Variants in KBTBD11 observed in about 807,000 individuals in gnomAD.
The protein encoded by KBTBD11 is kelch repeat and BTB domain containing 11, also known as kelch repeat and BTB domain-containing protein 11.
For missense variants in KBTBD11, 1,390 were observed against 1,001.8 expected (o/e 1.39, Z -5.23); for synonymous variants, 747 against 499.0 (o/e 1.50, Z -6.63).
Position 1,973,719 on chromosome 8 carries a change from GCTCCGC to G in KBTBD11, c.-1124_-1119del. On this transcript the variant is annotated 5_prime_UTR_variant, in exon 1 of 2. Transcript: ENST00000320248. ...CTCGCAGCCTGGAGCCGGAGCGCTGGCTCCGCGCGGCCTGGAGAGGCGGAGAGGCCT... is the reference window on the plus strand; with the variant it reads ...CTCGCAGCCTGGAGCCGGAGCGCTGGGCGGCCTGGAGAGGCGGAGAGGCCT... 1 of 983,830 alleles carries G rather than the reference GCTCCGC, an allele frequency of 1.0e-6. No individual in the cohort carries two copies. The highest frequency in any genetic ancestry group is 1.2e-6 in the Non-Finnish European group (1 of 829,332). The allele number at this position is 983,830 out of a possible 1,614,324, so 60.9% of individuals were successfully genotyped here.
chr8:1,987,267 A>C (rs909911105), intron 1 of KBTBD11, among the ~76,000 whole-genome samples: 4 of 152,334 alleles, frequency 2.6e-5, no homozygotes, highest in African/African-American at 9.6e-5. Context: ...TTGCAACTGC[A>C]AAGCTTCCGA....
intron 1 of KBTBD11, among the ~76,000 whole-genome samples, chr8:1,995,895 C>T (rs544985612): frequency 3.9e-5 from 6 of 152,128 alleles, no homozygotes; most frequent in East Asian, 1.9e-4. Context: ...TGTGGTGGTG[C>T]GCCCCCATAG....
intron 1 of KBTBD11, 93 bp downstream of exon 1, chr8:1,974,028 G>A: frequency 1.0e-6 from 1 of 953,512 alleles, no homozygotes; most frequent in Non-Finnish European, 1.2e-6. Context: ...CGGGTGGGAG[G>A]TGGTCGGCGA....
chr8:1,996,022 T>C, intron 1 of KBTBD11, among the ~76,000 whole-genome samples: 1 of 152,270 alleles, frequency 6.6e-6, no homozygotes, highest in African/African-American at 2.4e-5. Context: ...AGACCCTGTC[T>C]CAAAAAACAA....
intron 1 of KBTBD11, among the ~76,000 whole-genome samples, chr8:1,992,225 T>C (rs892722421): frequency 3.9e-5 from 6 of 152,128 alleles, no homozygotes; most frequent in Admixed American, 6.5e-5. Flanking sequence ...GCCCGGGTTT[T>C]CTCAACTGTA....
At chr8:1,986,517 C>G (rs954068224) in intron 1 of KBTBD11, among the ~76,000 whole-genome samples, 2 of 152,194 alleles carry the variant, frequency 1.3e-5, no homozygotes, top group Non-Finnish European at 2.9e-5. Context: ...ATGAAACCAA[C>G]AGCTCAGAAC....
intron 1 of KBTBD11, among the ~76,000 whole-genome samples, chr8:1,978,124 A>G (rs1273949816): frequency 2.0e-5 from 3 of 152,202 alleles, no homozygotes; most frequent in African/African-American, 7.2e-5. Flanking sequence ...CCCAGCAGGC[A>G]TTAGCTCTTT....
At position 2,002,008 on chromosome 8, in the gene KBTBD11, G is replaced by C. The variant is rs748427324; in HGVS notation, c.816G>C (p.Val272=). Residue 272 remains valine (V), a synonymous_variant, in exon 2 of 2, where the codon GTG becomes GTC. Transcript: ENST00000320248. The surrounding 1 kb of genome is among the most constrained non-coding windows in gnomAD (Gnocchi z 4.1). Reference sequence around the variant, plus strand: ...TGGAGGTGCTGCGCGAGCCCGCCGTGTTCGGCCGCCTGTCGGGCGCAGAGC... The same window carrying C: ...TGGAGGTGCTGCGCGAGCCCGCCGTCTTCGGCCGCCTGTCGGGCGCAGAGC... The part of the protein sequence containing the change: ...HYLEVLREPA[V]FGRLSGAERD... 5 of 1,417,882 alleles carry C rather than the reference G, an allele frequency of 3.5e-6. No homozygotes were observed. In the Admixed American group the frequency reaches 8.7e-5, roughly 25 times the overall value. The allele number at this position is 1,417,882 out of a possible 1,614,324, so 87.8% of individuals were successfully genotyped here.
chr8:1,997,060 C>G (rs1473369832), intron 1 of KBTBD11, among the ~76,000 whole-genome samples: 2 of 152,164 alleles, frequency 1.3e-5, no homozygotes, highest in African/African-American at 4.8e-5. Flanking sequence ...TCTGTGTCGC[C>G]TGGTTGTGAC....
At chr8:1,998,954 C>G (rs557411718) in intron 1 of KBTBD11, among the ~76,000 whole-genome samples, 13 of 152,298 alleles carry the variant, frequency 8.5e-5, no homozygotes, top group Non-Finnish European at 1.5e-4. Context: ...GGGGTGAGCA[C>G]CTGTCAGTGT....
Position 2,003,736 on chromosome 8 carries a change from C to T in KBTBD11, c.*672C>T. The T allele has an allele frequency of 6.0e-6, 1 of 167,052 alleles. No individual in the cohort carries two copies. Among genetic ancestry groups the T allele is most frequent in the South Asian group, 2.1e-4 (1 of 4,826 alleles). 10.3% of individuals were successfully genotyped at this position (167,052 alleles called of 1,614,324 possible). ...TCACATGCCTAGAGCAGCTCCGTCT[C>T]ACTGTTGGACCGAGGGGGCTTTCAT... is the stretch of plus-strand genomic sequence containing the variant. On this transcript the variant is annotated 3_prime_UTR_variant, in exon 2 of 2. Transcript: ENST00000320248.
intron 1 of KBTBD11, among the ~76,000 whole-genome samples, chr8:1,988,246 C>T (rs372671546): frequency 7.2e-5 from 11 of 152,274 alleles, no homozygotes; most frequent in Middle Eastern, 3.4e-3. Flanking sequence ...GGCATATACC[C>T]ACTAATGGGA....
In KBTBD11 at chr8:2,003,165, C is replaced by T; in HGVS notation, c.*101C>T. 8.0e-7 allele frequency: 1 copy of T among 1,246,324 alleles called. No homozygotes were observed. Among genetic ancestry groups the T allele is most frequent in the East Asian group, 3.2e-5 (1 of 31,442 alleles). The allele number at this position is 1,246,324 out of a possible 1,614,324, so 77.2% of individuals were successfully genotyped here. A position where few individuals can be genotyped will look rare whatever the true frequency, so the allele number is the denominator to read the frequency against. On this transcript the variant is annotated 3_prime_UTR_variant, in exon 2 of 2. Transcript: ENST00000320248. Reference sequence around the variant, plus strand: ...CGTGGTGGGGAGTCGGGGCCGCTGGCCACGCTGGTGGTTTGGACACTTCGA... The same window carrying T: ...CGTGGTGGGGAGTCGGGGCCGCTGGTCACGCTGGTGGTTTGGACACTTCGA...
At position 2,004,051 on chromosome 8, in the gene KBTBD11, C is replaced by T. The variant is rs766796738; in HGVS notation, c.*987C>T. The stretch of plus-strand genomic sequence containing the variant: ...TTAAACCCACTGTATATGATGTTTT[C>T]AATGTGGATCGTGTAGTTCTGATGA... On this transcript the variant is annotated 3_prime_UTR_variant, in exon 2 of 2. Coordinates refer to ENST00000320248, the MANE Select transcript of KBTBD11 (RefSeq NM_014867.3). The T allele has an allele frequency of 2.4e-5, 4 of 166,812 alleles. No homozygotes were observed. Among genetic ancestry groups the T allele is most frequent in the Non-Finnish European group, 4.4e-5 (3 of 68,112 alleles). 10.3% of individuals were successfully genotyped at this position (166,812 alleles called of 1,614,324 possible). A position where few individuals can be genotyped will look rare whatever the true frequency, so the allele number is the denominator to read the frequency against.
chr8:1,982,712 C>T lies in KBTBD11; in HGVS notation c.-909+8777C>T, dbSNP rs149957277. Among the ~76,000 whole-genome samples, 1,442 of 151,610 alleles carry T rather than the reference C, an allele frequency of 9.5e-3. 16 individuals carry two copies. The highest frequency in any genetic ancestry group is 0.033 in the South Asian group (160 of 4,786). ...TATAATGCCAAAGGGGCCAATTCAT[C>T]AGAAGTAAACTTTTAGTATGAGTTG... On this transcript the variant is annotated intron_variant, in intron 1 of 1. Transcript: ENST00000320248.
At chr8:1,980,660 G>T (rs1220857803) in intron 1 of KBTBD11, among the ~76,000 whole-genome samples, 1 of 152,246 alleles carries the variant, frequency 6.6e-6, no homozygotes, top group Non-Finnish European at 1.5e-5. Flanking sequence ...TGGTGGCAGC[G>T]TGTGCTGAGA....
intron 1 of KBTBD11, among the ~76,000 whole-genome samples, chr8:1,987,187 C>G (rs1166569168): frequency 1.3e-5 from 2 of 152,132 alleles, no homozygotes; most frequent in Non-Finnish European, 2.9e-5. Flanking sequence ...TCTGTTTTTA[C>G]ACTTCCATAA....
In KBTBD11 at chr8:1,980,269, C is replaced by G. The variant is rs370996744; in HGVS notation, c.-909+6334C>G. ...TTGAGATGGGGTCTTGCTCTGTCACCAGGCTGGAGTGCAGTGGCGCAATCT... is the reference window on the plus strand; with the variant it reads ...TTGAGATGGGGTCTTGCTCTGTCACGAGGCTGGAGTGCAGTGGCGCAATCT... On this transcript the variant is annotated intron_variant, in intron 1 of 1. Transcript: ENST00000320248. Among the ~76,000 whole-genome samples the G allele has an allele frequency of 2.9e-4, 39 of 134,798 alleles. No homozygotes were observed. In the East Asian group the frequency reaches 8.5e-3, roughly 29 times the overall value. The allele number at this position is 134,798 out of a possible 152,430, so 88.4% of individuals were successfully genotyped here. A position where few individuals can be genotyped will look rare whatever the true frequency, so the allele number is the denominator to read the frequency against.
chr8:1,986,544 C>T (rs1816711074), intron 1 of KBTBD11, among the ~76,000 whole-genome samples: 1 of 152,182 alleles, frequency 6.6e-6, no homozygotes, highest in African/African-American at 2.4e-5. Context: ...AAGGACAAAA[C>T]ACGAGTTTTT....
Sources: allele counts gnomAD v4.1 joint callset (sites outside exome capture counted in the v4.1 genomes callset), GRCh38; gene constraint gnomAD v4.1.1; non-coding constraint Gnocchi (gnomAD v3.1); transcripts MANE v1.5; gene names NCBI Gene and HGNC (gene_info 2026-07-23, HGNC 2026-07-21).